Variants in NEGR1 observed in about 807,000 individuals in gnomAD.
NEGR1 encodes the protein neuronal growth regulator 1, also known as IgLON family member 4.
NEGR1 carries 10 observed loss-of-function variants against 40.9 expected under a neutral mutation model. The ratio of observed to expected loss-of-function variants is 0.24; its 90% CI spans 0.15 to 0.42. The LOEUF (loss-of-function observed/expected upper bound fraction) is 0.42. Ranked by LOEUF, NEGR1 falls within the 10% of genes least tolerant of loss-of-function variation. NEGR1 has a pLI of 1.00. For missense variants in NEGR1, 352 were observed against 438.9 expected, an observed-to-expected ratio of 0.80 and a Z score of 1.77; for synonymous variants, 185 against 166.8, an observed-to-expected ratio of 1.11 and a Z score of -0.84.
chr1:72,162,433 T>A (rs1023864191), intron 1 of NEGR1, among the ~76,000 whole-genome samples: 1 of 151,960 alleles, frequency 6.6e-6, no homozygotes, highest in Non-Finnish European at 1.5e-5. Flanking sequence ...GCCACTGCAC[T>A]CCAGCCTAGG....
chr1:71,627,669 G>A (rs766355414), intron 4 of NEGR1, among the ~76,000 whole-genome samples: 29 of 151,980 alleles, frequency 1.9e-4, no homozygotes, highest in Non-Finnish European at 2.4e-4. Flanking sequence ...GACTCTTCAT[G>A]TACATTTGGA....
chr1:71,585,611 G>C (rs577375484), intron 6 of NEGR1, among the ~76,000 whole-genome samples: 5 of 150,366 alleles, frequency 3.3e-5, no homozygotes, highest in Admixed American at 6.6e-5. Flanking sequence ...CCAGTAGCTT[G>C]AAGATGCCAC....
chr1:71,724,988 C>A (rs994096019), intron 3 of NEGR1, among the ~76,000 whole-genome samples: 4 of 152,126 alleles, frequency 2.6e-5, no homozygotes, highest in African/African-American at 4.8e-5. Flanking sequence ...GGTGAAGCAG[C>A]AGTGTGGTTC....
intron 6 of NEGR1, chr1:71,477,585 T>C (rs1468602671): frequency 6.6e-6 from 1 of 152,272 alleles, no homozygotes; most frequent in Non-Finnish European, 1.5e-5. Context: ...TTTCACCTTT[T>C]ACTTAGTCAT....
chr1:71,855,448 G>T (rs536211128), intron 2 of NEGR1, among the ~76,000 whole-genome samples: 1 of 152,036 alleles, frequency 6.6e-6, no homozygotes, highest in Non-Finnish European at 1.5e-5. Context: ...AACTCTGGAG[G>T]AGGCTGCCAT....
At chr1:72,238,077 A>G (rs1654616980) in intron 1 of NEGR1, among the ~76,000 whole-genome samples, 1 of 151,890 alleles carries the variant, frequency 6.6e-6, no homozygotes, top group South Asian at 2.1e-4. Flanking sequence ...AATGTCTGAT[A>G]ATCTGTAATT....
chr1:71,456,747 A>G (rs1047700774), intron 6 of NEGR1, among the ~76,000 whole-genome samples: 1 of 152,234 alleles, frequency 6.6e-6, no homozygotes, highest in African/African-American at 2.4e-5. Flanking sequence ...AATTAGCACC[A>G]ATGGACATGT....
chr1:72,125,992 C>T (rs1650000277), intron 1 of NEGR1, among the ~76,000 whole-genome samples: 1 of 151,694 alleles, frequency 6.6e-6, no homozygotes, highest in South Asian at 2.1e-4. Flanking sequence ...TTCTGGTTTG[C>T]GAATAGCAAT....
chr1:71,695,061 T>G (rs185474138), intron 4 of NEGR1, among the ~76,000 whole-genome samples: 157 of 151,850 alleles, frequency 1.0e-3, no homozygotes, highest in Non-Finnish European at 1.8e-3. Flanking sequence ...CTCTGGAAAA[T>G]CAGCTCAGCA....
intron 1 of NEGR1, among the ~76,000 whole-genome samples, chr1:72,086,343 T>G (rs1219669222): frequency 6.6e-6 from 1 of 152,182 alleles, no homozygotes; most frequent in African/African-American, 2.4e-5. Context: ...ATGGCATTGC[T>G]CTGATTTTTT....
At chr1:72,177,971 C>T (rs1336524978) in intron 1 of NEGR1, among the ~76,000 whole-genome samples, 4 of 151,946 alleles carry the variant, frequency 2.6e-5, no homozygotes, top group Non-Finnish European at 4.4e-5. Context: ...TTGAAAAAGT[C>T]ATATGTGTCT....
At chr1:71,999,762 G>T (rs1646541667) in intron 1 of NEGR1, among the ~76,000 whole-genome samples, 1 of 144,338 alleles carries the variant, frequency 6.9e-6, no homozygotes, top group Non-Finnish European at 1.5e-5. Flanking sequence ...ATTTTACTTT[G>T]TTTACATACT....
intron 3 of NEGR1, among the ~76,000 whole-genome samples, chr1:71,767,787 T>C (rs1251792390): frequency 6.6e-6 from 1 of 152,040 alleles, no homozygotes; most frequent in Admixed American, 6.5e-5. Flanking sequence ...AATGATTTTG[T>C]GGGCCAGGCC....
intron 1 of NEGR1, among the ~76,000 whole-genome samples, chr1:72,114,180 T>C (rs1268438346): frequency 6.6e-6 from 1 of 151,666 alleles, no homozygotes; most frequent in African/African-American, 2.4e-5. Context: ...TTTTTTTAGA[T>C]GAGATTAACA....
chr1:71,757,191 G>T (rs1290994197), intron 3 of NEGR1, among the ~76,000 whole-genome samples: 2 of 151,990 alleles, frequency 1.3e-5, no homozygotes, highest in Admixed American at 1.3e-4. Context: ...ATTATGCTAG[G>T]AGACATTTCA....
chr1:71,765,656 A>T (rs1159930538), intron 3 of NEGR1, among the ~76,000 whole-genome samples: 1 of 152,080 alleles, frequency 6.6e-6, no homozygotes, highest in Non-Finnish European at 1.5e-5. Context: ...TGCCTCACTG[A>T]CCACCAAACT....
intron 3 of NEGR1, among the ~76,000 whole-genome samples, chr1:71,735,454 T>G (rs1570274938): frequency 6.6e-6 from 1 of 151,960 alleles, no homozygotes; most frequent in Non-Finnish European, 1.5e-5. Flanking sequence ...TAATGAATGG[T>G]TGCTTAATTG....
intron 6 of NEGR1, among the ~76,000 whole-genome samples, chr1:71,465,260 G>A (rs985048982): frequency 2.0e-5 from 3 of 152,054 alleles, no homozygotes; most frequent in Admixed American, 6.6e-5. Context: ...CAGCCACTAC[G>A]CTAGATGCTG....
intron 3 of NEGR1, among the ~76,000 whole-genome samples, chr1:71,749,217 G>T (rs1041309841): frequency 2.6e-5 from 4 of 152,060 alleles, no homozygotes; most frequent in Non-Finnish European, 5.9e-5. Context: ...TATTACTGAG[G>T]TATCACAATT....
Sources: allele counts gnomAD v4.1 joint callset (sites outside exome capture counted in the v4.1 genomes callset), GRCh38; gene constraint gnomAD v4.1.1; transcripts MANE v1.5; gene names NCBI Gene and HGNC (gene_info 2026-07-23, HGNC 2026-07-21).